ATXN8OS: variants seen among roughly 807,000 people sequenced by gnomAD.
ATXN8OS encodes the protein ATXN8 opposite strand (non-protein coding).
At chr13:70,141,732 A>C (rs1888718537) in intron 3 of ATXN8OS, among the ~76,000 whole-genome samples, 1 of 152,036 alleles carries the variant, frequency 6.6e-6, no homozygotes, top group Non-Finnish European at 1.5e-5. Flanking sequence ...TTATTCATTC[A>C]TCAAAATGGC....
intron 4 of ATXN8OS, among the ~76,000 whole-genome samples, chr13:70,161,135 AT>A (rs1314431784): frequency 6.6e-6 from 1 of 151,808 alleles, no homozygotes; most frequent in Non-Finnish European, 1.5e-5. Flanking sequence ...CAAGATTTAA[AT>A]TTTTTTAATG....
chr13:70,124,076 A>C (rs904435719), intron 2 of ATXN8OS, among the ~76,000 whole-genome samples: 1 of 152,060 alleles, frequency 6.6e-6, no homozygotes, highest in African/African-American at 2.4e-5. Context: ...TTCACATGCC[A>C]TTTTTCTTTA....
At chr13:70,139,875 T>C (rs1025325057) in intron 3 of ATXN8OS, among the ~76,000 whole-genome samples, 1 of 152,190 alleles carries the variant, frequency 6.6e-6, no homozygotes, top group Non-Finnish European at 1.5e-5. Context: ...AGCTCTGTTT[T>C]TTAATCACGA....
At chr13:70,114,800 A>G (rs898361230) in intron 1 of ATXN8OS, among the ~76,000 whole-genome samples, 2 of 152,202 alleles carry the variant, frequency 1.3e-5, no homozygotes, top group Non-Finnish European at 2.9e-5. Context: ...CTTAATATGA[A>G]AAGAAGTAGA....
At chr13:70,149,055 A>G (rs1474727009) in intron 4 of ATXN8OS, among the ~76,000 whole-genome samples, 2 of 152,116 alleles carry the variant, frequency 1.3e-5, no homozygotes, top group Non-Finnish European at 2.9e-5. Context: ...CCCTCACACT[A>G]GTTTTTGGTC....
chr13:70,143,737 A>G (rs181428880), intron 3 of ATXN8OS, among the ~76,000 whole-genome samples: 19 of 152,294 alleles, frequency 1.2e-4, no homozygotes, highest in Admixed American at 1.2e-3. Flanking sequence ...GAACTCTATG[A>G]AGATTTTTAT....
At chr13:70,168,867 T>C (rs779445903) in intron 4 of ATXN8OS, among the ~76,000 whole-genome samples, 5 of 152,178 alleles carry the variant, frequency 3.3e-5, no homozygotes, top group Non-Finnish European at 7.4e-5. Flanking sequence ...CATCATTTTA[T>C]TTGTTAGTAT....
chr13:70,171,460 A>T (rs1004009733), exon 5 of ATXN8OS, among the ~76,000 whole-genome samples: 1 of 152,098 alleles, frequency 6.6e-6, no homozygotes, highest in Non-Finnish European at 1.5e-5. Flanking sequence ...ATGGCCTAGG[A>T]TAATTGTGTA....
chr13:70,140,998 A>G (rs1888706820), intron 3 of ATXN8OS, among the ~76,000 whole-genome samples: 1 of 152,180 alleles, frequency 6.6e-6, no homozygotes, highest in South Asian at 2.1e-4. Context: ...CATTCCTACC[A>G]TAGTTGAACC....
intron 3 of ATXN8OS, among the ~76,000 whole-genome samples, chr13:70,140,460 T>C (rs1337789452): frequency 6.6e-6 from 1 of 151,748 alleles, no homozygotes; most frequent in Non-Finnish European, 1.5e-5. Flanking sequence ...ATTTAGGGCA[T>C]GTGTTTTAAA....
chr13:70,124,105 T>G (rs2137477695), intron 2 of ATXN8OS, among the ~76,000 whole-genome samples: 1 of 152,244 alleles, frequency 6.6e-6, no homozygotes, highest in East Asian at 1.9e-4. Flanking sequence ...CCTTAGCATT[T>G]AAAGAAAGTA....
chr13:70,132,098 A>C (rs565181333), intron 3 of ATXN8OS, among the ~76,000 whole-genome samples: 1 of 152,210 alleles, frequency 6.6e-6, no homozygotes, highest in Non-Finnish European at 1.5e-5. Flanking sequence ...TTTTTAGTTC[A>C]CTTTTATAAT....
At position 70,139,383 on chromosome 13, in the gene ATXN8OS, A is replaced by ACTGCTGCTG. The variant is rs193922930; in HGVS notation, n.500-7934_500-7926dup. 7.7e-3 allele frequency: 3,534 copies of ACTGCTGCTG among 457,966 alleles called. 254 individuals carry two copies. The highest frequency in any genetic ancestry group is 0.014 in the Middle Eastern group (25 of 1,814). 28.4% of individuals were successfully genotyped at this position (457,966 alleles called of 1,614,324 possible). A position where few individuals can be genotyped will look rare whatever the true frequency, so the allele number is the denominator to read the frequency against. On this transcript the variant is annotated intron_variant and non_coding_transcript_variant, in intron 3 of 4. Transcript: ENST00000678624. ...TACTACTACTACTACTACTACTACT[A>ACTGCTGCTG]CTGCTGCTGCTGCTGCTGCTGCTGC...
At chr13:70,167,408 G>A (rs1341978918) in intron 4 of ATXN8OS, among the ~76,000 whole-genome samples, 1 of 151,770 alleles carries the variant, frequency 6.6e-6, no homozygotes, top group Non-Finnish European at 1.5e-5. Context: ...ACCATGGCAA[G>A]GAAAAAAAAC....
At chr13:70,130,874 A>G in intron 3 of ATXN8OS, 1 of 398,522 alleles carries the variant, frequency 2.5e-6, no homozygotes, top group Non-Finnish European at 4.4e-6. Flanking sequence ...CAAATCATAC[A>G]AGAAGGTCCA....
chr13:70,133,473 G>A (rs1888563441), intron 3 of ATXN8OS, among the ~76,000 whole-genome samples: 1 of 152,130 alleles, frequency 6.6e-6, no homozygotes. Flanking sequence ...GTTTCTAATG[G>A]TTAACTGTGT....
At chr13:70,151,696 T>C (rs7139836) in intron 4 of ATXN8OS, among the ~76,000 whole-genome samples, 2,384 of 152,172 alleles carry the variant, frequency 0.016, 65 homozygotes, top group African/African-American at 0.053. Flanking sequence ...CTTTAGTTAA[T>C]TGGAAGTCAC....
At chr13:70,160,450 C>T (rs1175621745) in intron 4 of ATXN8OS, among the ~76,000 whole-genome samples, 1 of 151,796 alleles carries the variant, frequency 6.6e-6, no homozygotes, top group East Asian at 1.9e-4. Context: ...AGCACTTTTC[C>T]TGGCTGAAGT....
At chr13:70,127,859 A>G (rs546157629) in intron 2 of ATXN8OS, among the ~76,000 whole-genome samples, 13 of 152,104 alleles carry the variant, frequency 8.5e-5, no homozygotes, top group African/African-American at 1.2e-4. Context: ...ACAGATGACA[A>G]TTTATTCACC....
Sources: allele counts gnomAD v4.1 joint callset (sites outside exome capture counted in the v4.1 genomes callset), GRCh38; gene constraint gnomAD v4.1.1; transcripts MANE v1.5; gene names NCBI Gene and HGNC (gene_info 2026-07-23, HGNC 2026-07-21).